The following NLGN1 variants were observed in gnomAD, a reference collection of about 807,000 sequenced individuals.
NLGN1 encodes neuroligin-1.
Under a neutral mutation model 65.5 loss-of-function variants are expected in NLGN1, and 12 were observed. That is an observed-to-expected ratio of 0.18 (90% CI 0.12 to 0.30). The LOEUF is 0.30. Ranked by LOEUF, NLGN1 falls within the 10% of genes least tolerant of loss-of-function variation. NLGN1 has a pLI of 1.00. For missense variants in NLGN1, 750 were observed against 1,007.1 expected (o/e 0.74, Z 3.46); for synonymous variants, 350 against 359.5 (o/e 0.97, Z 0.30).
At chr3:173,782,153 A>G (rs1781267683) in intron 3 of NLGN1, among the ~76,000 whole-genome samples, 1 of 152,048 alleles carries the variant, frequency 6.6e-6, no homozygotes, top group Non-Finnish European at 1.5e-5. Flanking sequence ...GGAATAGGGC[A>G]AATTAGACAC....
chr3:174,199,255 G>T (rs4894654), intron 4 of NLGN1, among the ~76,000 whole-genome samples: 111,466 of 151,000 alleles, frequency 0.74, 41,235 homozygotes, highest in East Asian at 0.83. Context: ...CTCAGGTTCC[G>T]TATTTGTAAA....
chr3:173,987,008 TG>T (rs1720096312), intron 4 of NLGN1, among the ~76,000 whole-genome samples: 1 of 152,218 alleles, frequency 6.6e-6, no homozygotes, highest in Non-Finnish European at 1.5e-5. Context: ...TACAAATATT[TG>T]GAAAGATAAA....
In NLGN1 at chr3:173,539,396, T is replaced by C. The variant is rs182364773; in HGVS notation, c.-320-64883T>C. ...TATATGTGTATATATATAAAAAACA[T>C]ATATATGTTATATATTATATATGTT... On this transcript the variant is annotated intron_variant, in intron 2 of 6. Transcript: ENST00000457714. Among the ~76,000 whole-genome samples, 789 of 144,430 alleles carry C rather than the reference T, an allele frequency of 5.5e-3. 19 individuals are homozygous for C. In the South Asian group the frequency reaches 0.057, roughly 10 times the overall value. 94.8% of individuals were successfully genotyped at this position (144,430 alleles called of 152,430 possible).
chr3:173,701,064 G>T (rs7650398), intron 3 of NLGN1, among the ~76,000 whole-genome samples: 75,551 of 151,892 alleles, frequency 0.5, 19,564 homozygotes, highest in East Asian at 0.77. Context: ...GGTGGAGCTT[G>T]CAGTAAGCTG....
intron 4 of NLGN1, among the ~76,000 whole-genome samples, chr3:173,815,174 T>G (rs1578580223): frequency 6.6e-6 from 1 of 150,976 alleles, no homozygotes; most frequent in African/African-American, 2.4e-5. Flanking sequence ...CAGGCTGGAG[T>G]GCAGTGGCTC....
intron 4 of NLGN1, among the ~76,000 whole-genome samples, chr3:174,115,633 G>A (rs930068393): frequency 6.6e-6 from 1 of 152,148 alleles, no homozygotes; most frequent in African/African-American, 2.4e-5. Context: ...ATGAGGCTGG[G>A]AAGAGGTGAC....
In NLGN1 at chr3:174,280,981, C is replaced by T. The variant is rs773317613; in HGVS notation, c.2150C>T (p.Thr717Ile). The change falls in exon 7 of 7, where the codon ACT becomes ATT. Residue 717 changes from threonine to isoleucine, a missense_variant. Physicochemically the swap from Thr to Ile is moderately conservative, Grantham distance 89. Coordinates refer to ENST00000457714, the Ensembl canonical transcript of NLGN1. This position sits in a 1 kb window ranked among gnomAD's most constrained non-coding sequence, Gnocchi z 4.9. ...CACAGGAGATGCAGCCCTCAGCGCA[C>T]TACTACCAATGATCTAACCCATGCA... is the stretch of plus-strand genomic sequence containing the variant. 1.9e-6 allele frequency: 3 copies of T among 1,613,390 alleles called. No individual in the cohort carries two copies. The highest frequency in any genetic ancestry group is 1.3e-5 in the African/African-American group (1 of 74,962).
chr3:173,839,689 G>A (rs551901579), intron 4 of NLGN1, among the ~76,000 whole-genome samples: 64 of 152,222 alleles, frequency 4.2e-4, no homozygotes, highest in African/African-American at 1.5e-3. Context: ...CCAAAGTGCT[G>A]GGATTACAGG....
chr3:174,246,698 T>C (rs890495292), intron 4 of NLGN1, among the ~76,000 whole-genome samples: 9 of 152,096 alleles, frequency 5.9e-5, no homozygotes, highest in African/African-American at 1.9e-4. Context: ...TGATTACAGG[T>C]GTGAGCCACT....
At chr3:173,573,399 G>A (rs889483170) in intron 2 of NLGN1, among the ~76,000 whole-genome samples, 3 of 151,922 alleles carry the variant, frequency 2.0e-5, no homozygotes, top group African/African-American at 7.2e-5. Context: ...ATGCCTTCAA[G>A]TCAGCTGAGA....
At chr3:173,499,292 C>T (rs1730587318) in intron 2 of NLGN1, among the ~76,000 whole-genome samples, 1 of 151,786 alleles carries the variant, frequency 6.6e-6, no homozygotes, top group Non-Finnish European at 1.5e-5. Context: ...GTTTTCCCAG[C>T]ACCATTTATT....
chr3:173,429,524 A>G (rs1193568911), intron 1 of NLGN1, among the ~76,000 whole-genome samples: 1 of 152,112 alleles, frequency 6.6e-6, no homozygotes, highest in Non-Finnish European at 1.5e-5. Context: ...CGTGGAGGTC[A>G]TGGCTACCTG....
chr3:174,000,128 G>A (rs1723001982), intron 4 of NLGN1, among the ~76,000 whole-genome samples: 1 of 152,042 alleles, frequency 6.6e-6, no homozygotes. Context: ...ATTTTCGTTT[G>A]TGACTTGGTC....
intron 3 of NLGN1, among the ~76,000 whole-genome samples, chr3:173,751,705 A>G (rs192498521): frequency 1.1e-3 from 163 of 152,190 alleles, no homozygotes; most frequent in African/African-American, 3.7e-3. Flanking sequence ...GAATAACAGC[A>G]CAGCAAAACC....
intron 4 of NLGN1, among the ~76,000 whole-genome samples, chr3:173,815,647 TA>T (rs1345851025): frequency 6.6e-6 from 1 of 152,134 alleles, no homozygotes; most frequent in Non-Finnish European, 1.5e-5. Context: ...CCCTGACCTC[TA>T]AATGTTGTGC....
At chr3:173,857,065 T>C (rs1370614740) in intron 4 of NLGN1, among the ~76,000 whole-genome samples, 1 of 151,736 alleles carries the variant, frequency 6.6e-6, no homozygotes, top group African/African-American at 2.4e-5. Context: ...AAACAAAATT[T>C]CTTATGTAGC....
At chr3:173,402,408 T>A (rs1717863784) in intron 1 of NLGN1, among the ~76,000 whole-genome samples, 1 of 152,194 alleles carries the variant, frequency 6.6e-6, no homozygotes, top group Admixed American at 6.5e-5. Flanking sequence ...TTTGCTCAAC[T>A]TTGTATAGAA....
chr3:173,480,199 A>G (rs1727034031), intron 2 of NLGN1, among the ~76,000 whole-genome samples: 1 of 151,586 alleles, frequency 6.6e-6, no homozygotes, highest in Admixed American at 6.6e-5. Context: ...TGTGCAAAAC[A>G]TGTGATTCTC....
chr3:174,059,250 A>G (rs999881313), intron 4 of NLGN1, among the ~76,000 whole-genome samples: 1 of 152,236 alleles, frequency 6.6e-6, no homozygotes, highest in Non-Finnish European at 1.5e-5. Context: ...TAGTTAATCT[A>G]GTGAACAGAT....
Sources: gnomAD v4.1 joint callset for allele counts (sites outside exome capture counted in the v4.1 genomes callset) on GRCh38, gnomAD v4.1.1 for gene constraint, Gnocchi (gnomAD v3.1) non-coding constraint, MANE v1.5 for transcripts, NCBI Gene and HGNC (gene_info 2026-07-23, HGNC 2026-07-21) for gene names.